Variants in DGKB observed in about 807,000 individuals in gnomAD.
DGKB encodes the protein diacylglycerol kinase beta.
In DGKB, 67 loss-of-function variants were observed where a neutral mutation model predicts 114.3. The observed-to-expected ratio is 0.59, with a 90% CI of 0.48 to 0.72. DGKB has a LOEUF of 0.72. DGKB is among the 30% of genes least tolerant of loss of function. The probability of loss-of-function intolerance (pLI) is 0.00; values close to 1 mark genes in which losing one functional copy is unlikely to be tolerated. For synonymous variants in DGKB, 398 were observed against 323.1 expected (o/e 1.23, Z -2.49); for missense variants, 907 against 975.2 (o/e 0.93, Z 0.93).
intron 1 of DGKB, among the ~76,000 whole-genome samples, chr7:14,970,622 A>G (rs930122222): frequency 2.0e-5 from 3 of 152,154 alleles, no homozygotes; most frequent in Admixed American, 6.6e-5. Flanking sequence ...CTCCCGTGTC[A>G]TCAATCACAA....
At chr7:14,927,450 G>T (rs1054450869) in intron 1 of DGKB, among the ~76,000 whole-genome samples, 1 of 151,722 alleles carries the variant, frequency 6.6e-6, no homozygotes, top group Admixed American at 6.6e-5. Context: ...TATCCATCCT[G>T]ATCTATGAGG....
chr7:14,876,078 T>C (rs762554681), intron 1 of DGKB, among the ~76,000 whole-genome samples: 3 of 152,130 alleles, frequency 2.0e-5, no homozygotes, highest in Non-Finnish European at 2.9e-5. Context: ...TTGGACACCG[T>C]ATCAAATTGA....
At chr7:14,176,626 CACAAACA>C in intron 25 of DGKB, 2 of 1,290,160 alleles carry the variant, frequency 1.6e-6, no homozygotes, top group Non-Finnish European at 2.0e-6. Context: ...CTTAGGCTAA[CACAAACA>C]TTCAAGAGCT....
At chr7:14,919,062 G>GCGCACACACACA (rs1213217913) in intron 1 of DGKB, among the ~76,000 whole-genome samples, 1,529 of 118,094 alleles carry the variant, frequency 0.013, 30 homozygotes, top group Non-Finnish European at 0.02. Context: ...TCCACCACAC[G>GCGCACACACACA]CACACACACA....
In DGKB at chr7:14,506,360, T is replaced by A. The variant is rs557721908; in HGVS notation, c.1771-28135A>T. Among the ~76,000 whole-genome samples the A allele has an allele frequency of 1.7e-4, 26 of 152,296 alleles. No homozygotes were observed. In the South Asian group the frequency reaches 5.2e-3, roughly 30 times the overall value. On this transcript the variant is annotated intron_variant, in intron 20 of 25. Coordinates refer to ENST00000402815, the MANE Select transcript of DGKB (RefSeq NM_001350709.2). ...GGAAAATTCCTACAGTTAAAAACTTTTGCTTAATCATGTTTTAAACTTCTT... is the reference window on the plus strand; with the variant it reads ...GGAAAATTCCTACAGTTAAAAACTTATGCTTAATCATGTTTTAAACTTCTT...
chr7:14,557,648 T>G (rs1796063400), intron 20 of DGKB, among the ~76,000 whole-genome samples: 1 of 152,070 alleles, frequency 6.6e-6, no homozygotes, highest in South Asian at 2.1e-4. Context: ...ATATGCATAT[T>G]GGCTTTTGAT....
At chr7:14,329,260 T>C (rs995875483) in intron 23 of DGKB, among the ~76,000 whole-genome samples, 4 of 151,868 alleles carry the variant, frequency 2.6e-5, no homozygotes, top group Admixed American at 2.6e-4. Context: ...CCTAGCACCC[T>C]TCTTAGAAAA....
chr7:14,440,078 G>T (rs1407145317), intron 21 of DGKB, among the ~76,000 whole-genome samples: 1 of 152,054 alleles, frequency 6.6e-6, no homozygotes, highest in Admixed American at 6.6e-5. Context: ...CCTGCTTCTA[G>T]TGAGCAAAGG....
chr7:14,739,108 G>A (rs902569383), intron 4 of DGKB, among the ~76,000 whole-genome samples: 2 of 152,126 alleles, frequency 1.3e-5, no homozygotes, highest in African/African-American at 2.4e-5. Context: ...GTAATTTAAC[G>A]ATGAAAGCCA....
At chr7:14,435,291 G>A (rs1373276811) in intron 21 of DGKB, among the ~76,000 whole-genome samples, 1 of 151,968 alleles carries the variant, frequency 6.6e-6, no homozygotes, top group African/African-American at 2.4e-5. Context: ...TAGAAGAAAG[G>A]GAATCCCTGA....
At chr7:14,751,312 A>C (rs559097755) in intron 4 of DGKB, among the ~76,000 whole-genome samples, 7 of 152,218 alleles carry the variant, frequency 4.6e-5, no homozygotes, top group Non-Finnish European at 8.8e-5. Flanking sequence ...ATGAAAGAAC[A>C]AACATTCTAC....
chr7:14,731,371 A>C (rs1830894010), intron 5 of DGKB, among the ~76,000 whole-genome samples: 1 of 152,178 alleles, frequency 6.6e-6, no homozygotes, highest in Non-Finnish European at 1.5e-5. Flanking sequence ...GTTATGTCTG[A>C]CAGTGCCAAT....
At chr7:14,420,233 A>G (rs1826450124) in intron 21 of DGKB, among the ~76,000 whole-genome samples, 1 of 151,894 alleles carries the variant, frequency 6.6e-6, no homozygotes. Context: ...ATTTTGTATT[A>G]TAATACATTT....
chr7:14,444,223 T>C (rs1285099396), intron 21 of DGKB, among the ~76,000 whole-genome samples: 2 of 151,912 alleles, frequency 1.3e-5, no homozygotes, highest in East Asian at 1.9e-4. Context: ...TTTATTTTCC[T>C]TCCCTAAAAA....
At chr7:14,279,786 G>A (rs1465559586) in intron 23 of DGKB, among the ~76,000 whole-genome samples, 2 of 149,116 alleles carry the variant, frequency 1.3e-5, no homozygotes, top group African/African-American at 4.9e-5. Flanking sequence ...CAACAGACCT[G>A]CAGCTGAGGG....
intron 20 of DGKB, among the ~76,000 whole-genome samples, chr7:14,526,203 G>C (rs531106231): frequency 6.6e-6 from 1 of 152,020 alleles, no homozygotes; most frequent in South Asian, 2.1e-4. Flanking sequence ...TTTAAATCAG[G>C]TTTTTTAAAA....
intron 1 of DGKB, among the ~76,000 whole-genome samples, chr7:14,844,252 G>T (rs905019043): frequency 6.6e-6 from 1 of 152,270 alleles, no homozygotes; most frequent in South Asian, 2.1e-4. Flanking sequence ...ACCTGAAATG[G>T]TGACATGTTG....
chr7:14,204,501 A>G (rs1298822100), intron 23 of DGKB, among the ~76,000 whole-genome samples: 1 of 151,992 alleles, frequency 6.6e-6, no homozygotes, highest in Non-Finnish European at 1.5e-5. Context: ...ATTAGATGAG[A>G]CCACCTCTCT....
intron 1 of DGKB, among the ~76,000 whole-genome samples, chr7:14,950,471 CTTT>C (rs1171642983): frequency 1.3e-5 from 2 of 151,752 alleles, no homozygotes; most frequent in African/African-American, 2.4e-5. Context: ...AATCCATAAA[CTTT>C]TTTATTTATA....
Sources: gnomAD v4.1 joint callset for allele counts (sites outside exome capture counted in the v4.1 genomes callset) on GRCh38, gnomAD v4.1.1 for gene constraint, MANE v1.5 for transcripts, NCBI Gene and HGNC (gene_info 2026-07-23, HGNC 2026-07-21) for gene names.